Variants in APP observed in about 807,000 individuals in gnomAD.
The protein encoded by APP is amyloid-beta precursor protein.
Under a neutral mutation model 101.4 loss-of-function variants are expected in APP, and 31 were observed. That is an observed-to-expected ratio of 0.31 (90% CI 0.23 to 0.41). The LOEUF (loss-of-function observed/expected upper bound fraction) is 0.41, where lower values mean the gene tolerates loss of function less well. APP is among the 10% of genes least tolerant of loss of function. The pLI, the probability that APP is intolerant of heterozygous loss-of-function variation, is 1.00. For missense variants in APP, 839 were observed against 1,003.7 expected (o/e 0.84, Z 2.22); for synonymous variants, 366 against 364.4 (o/e 1.00, Z -0.05).
At chr21:26,047,348 T>TC (rs2146890371) in intron 5 of APP, among the ~76,000 whole-genome samples, 1 of 152,260 alleles carries the variant, frequency 6.6e-6, no homozygotes, top group South Asian at 2.1e-4. Flanking sequence ...TCACGTAGCA[T>TC]CCCCTGAAGA....
chr21:26,113,721 T>C (rs2062376608), intron 1 of APP, among the ~76,000 whole-genome samples: 2 of 152,240 alleles, frequency 1.3e-5, no homozygotes, highest in Non-Finnish European at 2.9e-5. Context: ...GGTCTCATTC[T>C]CTGACAGATG....
At chr21:26,017,008 C>T (rs2044112113) in intron 6 of APP, among the ~76,000 whole-genome samples, 1 of 142,290 alleles carries the variant, frequency 7.0e-6, no homozygotes, top group Non-Finnish European at 1.5e-5. Flanking sequence ...ACCATCCTGG[C>T]TAACATGGTG....
chr21:26,068,759 T>A (rs563540570), intron 3 of APP, among the ~76,000 whole-genome samples: 1 of 149,892 alleles, frequency 6.7e-6, no homozygotes, highest in African/African-American at 2.5e-5. Flanking sequence ...CCTCTTTTCA[T>A]AATTCTGATT....
intron 15 of APP, among the ~76,000 whole-genome samples, chr21:25,903,516 A>G (rs1185430487): frequency 6.6e-6 from 1 of 152,178 alleles, no homozygotes; most frequent in East Asian, 1.9e-4. Context: ...AATGAGTCGA[A>G]TGAGCGCTTT....
At chr21:26,038,681 T>G (rs913175232) in intron 5 of APP, among the ~76,000 whole-genome samples, 1 of 152,116 alleles carries the variant, frequency 6.6e-6, no homozygotes, top group Non-Finnish European at 1.5e-5. Flanking sequence ...GGAGAATTGC[T>G]TGAACTCAGG....
At chr21:26,051,801 TAA>T (rs2045850324) in intron 4 of APP, among the ~76,000 whole-genome samples, 1 of 152,216 alleles carries the variant, frequency 6.6e-6, no homozygotes, top group Non-Finnish European at 1.5e-5. Context: ...TAGATTAGCA[TAA>T]AGTTCTGAGA....
chr21:26,018,147 C>G (rs1331730598), intron 6 of APP, among the ~76,000 whole-genome samples: 1 of 152,164 alleles, frequency 6.6e-6, no homozygotes, highest in Non-Finnish European at 1.5e-5. Flanking sequence ...TTTTTCTTCC[C>G]TCCATTTCTT....
At chr21:26,081,956 G>A (rs1057292061) in intron 3 of APP, among the ~76,000 whole-genome samples, 1 of 152,180 alleles carries the variant, frequency 6.6e-6, no homozygotes, top group Non-Finnish European at 1.5e-5. Context: ...GATGGCTCAT[G>A]TCTGTAATCC....
At chr21:26,151,126 A>G (rs2063260457) in intron 1 of APP, among the ~76,000 whole-genome samples, 1 of 152,176 alleles carries the variant, frequency 6.6e-6, no homozygotes, top group African/African-American at 2.4e-5. Context: ...CTGGTCAAAG[A>G]TTCTTATATC....
At chr21:25,985,274 T>C (rs2042595262) in intron 8 of APP, among the ~76,000 whole-genome samples, 1 of 152,182 alleles carries the variant, frequency 6.6e-6, no homozygotes, top group African/African-American at 2.4e-5. Flanking sequence ...CTGTGCCAAC[T>C]TGATTGGGCC....
At chr21:26,058,953 C>T (rs998617555) in intron 3 of APP, among the ~76,000 whole-genome samples, 2 of 151,510 alleles carry the variant, frequency 1.3e-5, no homozygotes, top group African/African-American at 4.9e-5. Flanking sequence ...TGGTAGCGGG[C>T]GCCTGTAGTC....
Position 25,954,583 on chromosome 21 carries a change from T to A in APP, c.1687+7A>T, listed in dbSNP as rs1321116487. 6.2e-7 allele frequency: 1 copy of A among 1,609,090 alleles called. No homozygotes were observed. The highest frequency in any genetic ancestry group is 8.5e-7 in the Non-Finnish European group (1 of 1,175,820). The stretch of plus-strand genomic sequence containing the variant: ...CATGTGCAGCATCAAAAGAACAGCT[T>A]ACTTACCAACTTCATCCTGAATCTC... On this transcript the variant is annotated splice_region_variant and intron_variant, in intron 13 of 17. Coordinates refer to ENST00000346798, the MANE Select transcript of APP (RefSeq NM_000484.4).
rs1375160369 is a variant in APP at position 26,096,954 on chromosome 21, C to A, written c.226-6882G>T. ...AGACAAGACTGGATCTGGCAGAGAC[C>A]GGATCTGACAGGGCCTGCCTGTGCC... On this transcript the variant is annotated intron_variant, in intron 2 of 17. Transcript: ENST00000346798. 2.6e-5 allele frequency among the ~76,000 whole-genome samples: 4 copies of A among 152,258 alleles called. No individual in the cohort carries two copies. In the South Asian group the frequency reaches 8.3e-4, roughly 32 times the overall value.
intron 3 of APP, among the ~76,000 whole-genome samples, chr21:26,082,536 CAG>C (rs2061618836): frequency 3.3e-5 from 5 of 152,200 alleles, no homozygotes; most frequent in Admixed American, 3.3e-4. Flanking sequence ...TGAATGAAAA[CAG>C]TAATGATTTT....
At chr21:26,159,157 GCAA>G (rs2063435324) in intron 1 of APP, among the ~76,000 whole-genome samples, 1 of 151,770 alleles carries the variant, frequency 6.6e-6, no homozygotes, top group South Asian at 2.1e-4. Context: ...ATGGCTCACT[GCAA>G]GCTCTGCCTC....
intron 13 of APP, among the ~76,000 whole-genome samples, chr21:25,950,538 T>G (rs2041027870): frequency 6.6e-6 from 1 of 152,044 alleles, no homozygotes; most frequent in South Asian, 2.1e-4. Context: ...CCTGCCACCA[T>G]GCCTGGCTAA....
chr21:26,164,802 G>A (rs1456929260), intron 1 of APP, among the ~76,000 whole-genome samples: 3 of 149,584 alleles, frequency 2.0e-5, no homozygotes, highest in Non-Finnish European at 4.4e-5. Context: ...GTTGCAGTGA[G>A]CCGAGATCGC....
At chr21:26,150,599 A>AGATT (rs1232676706) in intron 1 of APP, among the ~76,000 whole-genome samples, 34 of 142,806 alleles carry the variant, frequency 2.4e-4, no homozygotes, top group Non-Finnish European at 4.7e-4. Context: ...ATTGACATCT[A>AGATT]GATAGACAGA....
At chr21:25,959,300 G>C (rs1233182483) in intron 11 of APP, among the ~76,000 whole-genome samples, 1 of 152,194 alleles carries the variant, frequency 6.6e-6, no homozygotes, top group Non-Finnish European at 1.5e-5. Flanking sequence ...AGGCATGGTG[G>C]TGGGCGCCTG....
Sources: allele counts gnomAD v4.1 joint callset (sites outside exome capture counted in the v4.1 genomes callset), GRCh38; gene constraint gnomAD v4.1.1; transcripts MANE v1.5; gene names NCBI Gene and HGNC (gene_info 2026-07-23, HGNC 2026-07-21).